Variants in PRORP observed in about 807,000 individuals in gnomAD.
The protein encoded by PRORP is mitochondrial ribonuclease P catalytic subunit.
In PRORP, 51 loss-of-function variants were observed where a neutral mutation model predicts 59.4. The observed-to-expected ratio is 0.86, with a 90% CI of 0.69 to 1.08. The LOEUF (loss-of-function observed/expected upper bound fraction) is 1.08. Among genes scored for constraint, PRORP ranks in the 50% least tolerant of loss-of-function variants. The pLI, the probability that PRORP is intolerant of heterozygous loss-of-function variation, is 0.00. For synonymous variants in PRORP, 231 were observed against 245.6 expected (o/e 0.94, Z 0.55); for missense variants, 646 against 690.3 (o/e 0.94, Z 0.72).
intron 4 of PRORP, among the ~76,000 whole-genome samples, chr14:35,132,851 G>A (rs1372691692): frequency 6.6e-6 from 1 of 151,684 alleles, no homozygotes; most frequent in Non-Finnish European, 1.5e-5. Context: ...GAAGGAAGAA[G>A]GAAGAAGGAA....
At position 35,274,010 on chromosome 14, in the gene PRORP, C is replaced by G. The variant is rs2051262809; in HGVS notation, c.*444C>G. On this transcript the variant is annotated 3_prime_UTR_variant, in exon 8 of 8. Transcript: ENST00000534898. ...TAGTCTCATTCTCTGTATGTTATGC[C>G]CTATCCACATGGAATCATTTATCGT... The G allele has an allele frequency of 6.5e-6, 1 of 153,316 alleles. No individual in the cohort carries two copies. The allele number at this position is 153,316 out of a possible 1,614,324, so 9.5% of individuals were successfully genotyped here.
intron 4 of PRORP, among the ~76,000 whole-genome samples, chr14:35,141,804 C>T (rs1234285954): frequency 3.5e-5 from 5 of 144,204 alleles, no homozygotes; most frequent in African/African-American, 4.9e-5. Flanking sequence ...GCAGCTGAGA[C>T]CTCCTGGGCT....
At chr14:35,196,242 A>AGGTGGGAGGACCACTTGAGCCCAGG (rs1168189595) in intron 5 of PRORP, among the ~76,000 whole-genome samples, 2 of 152,230 alleles carry the variant, frequency 1.3e-5, no homozygotes, top group Non-Finnish European at 2.9e-5. Context: ...TGGGAGGCCG[A>AGGTGGGAGGACCACTTGAGCCCAGG]GGTGGGAGGA....
At chr14:35,214,397 T>C (rs1356361444) in intron 5 of PRORP, among the ~76,000 whole-genome samples, 2 of 152,228 alleles carry the variant, frequency 1.3e-5, no homozygotes, top group Non-Finnish European at 2.9e-5. Context: ...TATTCTCATA[T>C]TACGATTTTG....
In PRORP at chr14:35,247,791, C is replaced by T. The variant is rs150979380; in HGVS notation, c.1276-18936C>T. ...AGAATACCTATCCTTTCTTGCCTTACAGGATAGGGAGGAAACACAGATATC... is the reference window on the plus strand; with the variant it reads ...AGAATACCTATCCTTTCTTGCCTTATAGGATAGGGAGGAAACACAGATATC... On this transcript the variant is annotated intron_variant, in intron 5 of 7. Transcript: ENST00000534898. Among the ~76,000 whole-genome samples, 443 of 152,180 alleles carry T rather than the reference C, an allele frequency of 2.9e-3. 6 individuals carry two copies. The highest frequency in any genetic ancestry group is 0.019 in the Admixed American group (298 of 15,290).
chr14:35,166,580 G>C (rs1390587866), intron 4 of PRORP, among the ~76,000 whole-genome samples: 1 of 151,594 alleles, frequency 6.6e-6, no homozygotes. Flanking sequence ...CTCCCAAGTA[G>C]CTGGGACTAC....
intron 4 of PRORP, among the ~76,000 whole-genome samples, chr14:35,148,953 C>T (rs377329325): frequency 3.6e-4 from 45 of 123,860 alleles, no homozygotes; most frequent in African/African-American, 1.3e-3. Context: ...GAGTCTCGCT[C>T]TGTGGCCCAG....
At chr14:35,203,775 A>C (rs1229393075) in intron 5 of PRORP, among the ~76,000 whole-genome samples, 2 of 152,072 alleles carry the variant, frequency 1.3e-5, no homozygotes, top group Non-Finnish European at 2.9e-5. Flanking sequence ...GAGGCAGGTG[A>C]ATGGCATGAA....
chr14:35,147,454 C>T (rs190787534), intron 4 of PRORP, among the ~76,000 whole-genome samples: 99 of 152,296 alleles, frequency 6.5e-4, no homozygotes, highest in African/African-American at 2.4e-3. Flanking sequence ...ATGATCCTCC[C>T]ACCTCAGCCT....
intron 5 of PRORP, among the ~76,000 whole-genome samples, chr14:35,230,482 A>G (rs2050049885): frequency 6.6e-6 from 1 of 152,260 alleles, no homozygotes; most frequent in African/African-American, 2.4e-5. Flanking sequence ...CTCATTCAGG[A>G]ATATGAAAAG....
chr14:35,265,287 C>T (rs977072705), intron 5 of PRORP, among the ~76,000 whole-genome samples: 1 of 152,136 alleles, frequency 6.6e-6, no homozygotes, highest in African/African-American at 2.4e-5. Context: ...TTTGTGGGCC[C>T]ACCAATTCTC....
intron 5 of PRORP, among the ~76,000 whole-genome samples, chr14:35,184,842 A>G (rs768014862): frequency 6.6e-6 from 1 of 152,186 alleles, no homozygotes; most frequent in Non-Finnish European, 1.5e-5. Context: ...TGTTCCTACA[A>G]AAGACATGAT....
intron 4 of PRORP, chr14:35,158,422 A>G: frequency 3.2e-6 from 1 of 310,026 alleles, no homozygotes; most frequent in Admixed American, 3.6e-5. Context: ...GTTCAATGAT[A>G]TAGTATTACT....
chr14:35,164,392 C>T (rs1175149766), intron 4 of PRORP, among the ~76,000 whole-genome samples: 2 of 152,184 alleles, frequency 1.3e-5, no homozygotes, highest in African/African-American at 2.4e-5. Context: ...CAACCTAGTG[C>T]CAATCAGTGG....
intron 4 of PRORP, among the ~76,000 whole-genome samples, chr14:35,153,177 T>C (rs937040026): frequency 2.6e-5 from 4 of 152,194 alleles, no homozygotes; most frequent in South Asian, 4.1e-4. Context: ...CACTCGCGGT[T>C]AGGAGTTGGA....
Position 35,123,690 on chromosome 14 carries a change from G to T in PRORP, c.445G>T (p.Ala149Ser). Residue 149 changes from alanine (A) to serine (S), a missense_variant, in exon 2 of 8, where the codon GCT (alanine) becomes TCT (serine). Physicochemically the swap from Ala to Ser is moderately conservative, Grantham distance 99 (BLOSUM62 1). Coordinates refer to ENST00000534898, the MANE Select transcript of PRORP (RefSeq NM_014672.4). Reference sequence around the variant, plus strand: ...CGAAAGTTGGATCATTTCACAGATGGCTGGCTGTCATAGCTCTATAGATGT... The same window carrying T: ...CGAAAGTTGGATCATTTCACAGATGTCTGGCTGTCATAGCTCTATAGATGT... ...SFESWIISQM[A>S]GCHSSIDVAK... 1.2e-6 allele frequency: 2 copies of T among 1,614,162 alleles called. No individual in the cohort carries two copies. Among genetic ancestry groups the T allele is most frequent in the East Asian group, 2.2e-5 (1 of 44,888 alleles).
At chr14:35,262,584 T>C in intron 5 of PRORP, 2 of 714,918 alleles carry the variant, frequency 2.8e-6, no homozygotes, top group East Asian at 2.6e-5. Context: ...ATCACATCAG[T>C]GTAGATTCAG....
intron 4 of PRORP, among the ~76,000 whole-genome samples, chr14:35,162,013 A>G (rs1483467672): frequency 6.6e-6 from 1 of 152,012 alleles, no homozygotes; most frequent in Non-Finnish European, 1.5e-5. Context: ...ATATTTCTAG[A>G]TTGAAAAATA....
rs1400232674 is a variant in PRORP at position 35,137,787 on chromosome 14, G to A, written c.1167+10176G>A. Among the ~76,000 whole-genome samples the A allele has an allele frequency of 2.8e-5, 4 of 145,226 alleles. 1 individual carries two copies. Among genetic ancestry groups the A allele is most frequent in the Non-Finnish European group, 6.1e-5 (4 of 65,368 alleles). ...CACATGATAGAGAGCAAGAGAAGGC[G>A]ATTCTGACAAAGTAGTTAACATGGT... On this transcript the variant is annotated intron_variant, in intron 4 of 7. Coordinates refer to ENST00000534898, the MANE Select transcript of PRORP (RefSeq NM_014672.4).
Sources: gnomAD v4.1 joint callset for allele counts (sites outside exome capture counted in the v4.1 genomes callset) on GRCh38, gnomAD v4.1.1 for gene constraint, MANE v1.5 for transcripts, NCBI Gene and HGNC (gene_info 2026-07-23, HGNC 2026-07-21) for gene names.